ACSM2A: variants seen among roughly 807,000 people sequenced by gnomAD.
ACSM2A encodes the protein acyl-CoA synthetase medium chain family member 2A.
Under a neutral mutation model 76.6 loss-of-function variants are expected in ACSM2A, and 72 were observed. The ratio of observed to expected loss-of-function variants is 0.94; its 90% CI spans 0.78 to 1.14. ACSM2A has a LOEUF of 1.14. Ranked by LOEUF, ACSM2A falls within the 50% of genes most tolerant of loss-of-function variation. ACSM2A has a pLI of 0.00. For missense variants in ACSM2A, 684 were observed against 708.5 expected (o/e 0.97, Z 0.39); for synonymous variants, 249 against 255.9 (o/e 0.97, Z 0.26).
At chr16:20,481,287 G>A in intron 12 of ACSM2A, 1 of 258,208 alleles carries the variant, frequency 3.9e-6, no homozygotes. Context: ...GGTAATTGCA[G>A]CACTATTCAC....
At chr16:20,482,625 T>C (rs2014148766) in intron 12 of ACSM2A, 2 of 164,962 alleles carry the variant, frequency 1.2e-5, no homozygotes, top group African/African-American at 4.8e-5. Flanking sequence ...TGTGCCCAGC[T>C]CTGAGCTAGC....
intron 4 of ACSM2A, 197 bp from the exon 5 acceptor site, chr16:20,470,876 G>A (rs2013347887): frequency 3.7e-6 from 3 of 804,154 alleles, no homozygotes; most frequent in Admixed American, 2.0e-5. Context: ...ATAACAAAGT[G>A]TGAAACTTCA....
At chr16:20,479,116 T>G (rs2013939558) in intron 10 of ACSM2A, among the ~76,000 whole-genome samples, 1 of 152,068 alleles carries the variant, frequency 6.6e-6, no homozygotes, top group Non-Finnish European at 1.5e-5. Flanking sequence ...CTTCAGATCT[T>G]GGGAAGGTAA....
rs930148425 is a variant in ACSM2A, at chr16:20,478,516, A to C, written c.1180-60A>C. 4.5e-5 allele frequency: 70 copies of C among 1,572,788 alleles called. 1 individual carries two copies. The highest frequency in any genetic ancestry group is 3.0e-4 in the South Asian group (26 of 86,450). On this transcript the variant is annotated intron_variant, in intron 9 of 13. Transcript: ENST00000573854. The stretch of plus-strand genomic sequence containing the variant: ...ATTTGACCAATTCAGCAATCTCATG[A>C]TGCCATTGAAGCCATCTCCTGCTGT...
chr16:20,458,369 T>A (rs989741651), intron 1 of ACSM2A, among the ~76,000 whole-genome samples: 1 of 147,204 alleles, frequency 6.8e-6, no homozygotes, highest in Non-Finnish European at 1.5e-5. Flanking sequence ...TCTAGATATA[T>A]ATGTATTATA....
At chr16:20,463,653 C>T (rs1467949083) in intron 2 of ACSM2A, among the ~76,000 whole-genome samples, 1 of 152,168 alleles carries the variant, frequency 6.6e-6, no homozygotes, top group Non-Finnish European at 1.5e-5. Flanking sequence ...GTACACCCTG[C>T]ATAACTGTGA....
intron 1 of ACSM2A, among the ~76,000 whole-genome samples, chr16:20,455,660 A>T (rs1288377481): frequency 1.3e-5 from 2 of 149,900 alleles, no homozygotes. Flanking sequence ...AAATCTTGAA[A>T]CAAATCCTGG....
chr16:20,469,398 T>A (rs752121852), intron 3 of ACSM2A, 114 bp from the exon 4 acceptor site: 17 of 1,525,950 alleles, frequency 1.1e-5, no homozygotes, highest in Non-Finnish European at 1.3e-5. Context: ...CTATTGGTCA[T>A]TACTTCCTCA....
chr16:20,457,393 A>G (rs1596639393), intron 1 of ACSM2A, among the ~76,000 whole-genome samples: 1 of 152,262 alleles, frequency 6.6e-6, no homozygotes, highest in East Asian at 1.9e-4. Context: ...ATCCTTGATG[A>G]ACATAGATGC....
At chr16:20,471,733 G>C (rs748794166) in intron 6 of ACSM2A, 44 bp downstream of exon 6, 2 of 1,582,412 alleles carry the variant, frequency 1.3e-6, no homozygotes, top group Non-Finnish European at 8.6e-7. Context: ...GAGTGAGCCC[G>C]AGGTTTGCAC....
chr16:20,485,136 C>G (rs2014315679), intron 13 of ACSM2A, among the ~76,000 whole-genome samples: 1 of 152,160 alleles, frequency 6.6e-6, no homozygotes, highest in Non-Finnish European at 1.5e-5. Context: ...AGAAGAGTGA[C>G]TGGCACATAA....
At chr16:20,468,080 G>A (rs2013124588) in intron 3 of ACSM2A, among the ~76,000 whole-genome samples, 1 of 152,114 alleles carries the variant, frequency 6.6e-6, no homozygotes, top group Admixed American at 6.5e-5. Flanking sequence ...CAGGAACTTG[G>A]AAGCCTGTGG....
chr16:20,480,583 A>G lies in ACSM2A; in HGVS notation c.1292A>G (p.Asp431Gly). 1 of 1,613,874 alleles carries G rather than the reference A, an allele frequency of 6.2e-7. No individual in the cohort carries two copies. Among genetic ancestry groups the G allele is most frequent in the Non-Finnish European group, 8.5e-7 (1 of 1,179,820 alleles). ...TTCTGTGGTCACCAGGACAATCCCG[A>G]CAAGACAGCAGCCAACATTCGAGGA... ...GIFSGYVDNP[D>G]KTAANIRGDF... The change falls in exon 11 of 14, where the codon GAC (aspartate) becomes GGC (glycine). Residue 431 changes from aspartate to glycine, a missense_variant. Coordinates refer to ENST00000573854, the MANE Select transcript of ACSM2A (RefSeq NM_001308172.2).
intron 13 of ACSM2A, among the ~76,000 whole-genome samples, chr16:20,484,189 G>T (rs1014132899): frequency 6.7e-6 from 1 of 150,328 alleles, no homozygotes; most frequent in Non-Finnish European, 1.5e-5. Flanking sequence ...CAGGGGGGAT[G>T]GGGGAGAGAG....
At chr16:20,454,669 GC>G (rs1253697895) in intron 1 of ACSM2A, among the ~76,000 whole-genome samples, 3 of 151,930 alleles carry the variant, frequency 2.0e-5, no homozygotes, top group Admixed American at 6.6e-5. Flanking sequence ...ATAGCCTTGA[GC>G]CCCAGATCTT....
chr16:20,483,947 G>T (rs2014260012), intron 13 of ACSM2A, among the ~76,000 whole-genome samples: 1 of 151,854 alleles, frequency 6.6e-6, no homozygotes, highest in Admixed American at 6.6e-5. Context: ...CTTTGTAGTG[G>T]TTTGATTTCT....
intron 13 of ACSM2A, 113 bp downstream of exon 13, chr16:20,483,290 C>G: frequency 6.7e-7 from 1 of 1,488,354 alleles, no homozygotes; most frequent in Non-Finnish European, 9.0e-7. Flanking sequence ...GTCTTCCTGG[C>G]TGGGCGCGGC....
intron 2 of ACSM2A, among the ~76,000 whole-genome samples, chr16:20,462,793 A>T (rs2012705438): frequency 1.3e-5 from 2 of 152,070 alleles, no homozygotes; most frequent in Non-Finnish European, 2.9e-5. Context: ...AAAAAATAGA[A>T]TTCCCATTCA....
chr16:20,461,125 A>G (rs1239779599), intron 2 of ACSM2A, among the ~76,000 whole-genome samples: 1 of 146,010 alleles, frequency 6.8e-6, no homozygotes, highest in Non-Finnish European at 1.5e-5. Context: ...CATTCTGGCT[A>G]GGGTAGGGGA....
Sources: gnomAD v4.1 joint callset for allele counts (sites outside exome capture counted in the v4.1 genomes callset) on GRCh38, gnomAD v4.1.1 for gene constraint, MANE v1.5 for transcripts, NCBI Gene and HGNC (gene_info 2026-07-23, HGNC 2026-07-21) for gene names.